ZCWPW2: variants seen among roughly 807,000 people sequenced by gnomAD.
ZCWPW2 encodes the protein zinc finger CW-type and PWWP domain containing 2.
Under a neutral mutation model 46.6 loss-of-function variants are expected in ZCWPW2, and 45 were observed. The ratio of observed to expected loss-of-function variants is 0.96; its 90% CI spans 0.76 to 1.24. The LOEUF is 1.24. Among genes scored for constraint, ZCWPW2 ranks in the 50% most tolerant of loss-of-function variants. The pLI is 0.00. For synonymous variants in ZCWPW2, 152 were observed against 137.1 expected (o/e 1.11, Z -0.76); for missense variants, 429 against 403.9 (o/e 1.06, Z -0.53).
At chr3:28,465,795 A>G (rs1698799261) in intron 4 of ZCWPW2, among the ~76,000 whole-genome samples, 1 of 152,192 alleles carries the variant, frequency 6.6e-6, no homozygotes, top group African/African-American at 2.4e-5. Flanking sequence ...ATTATAAACA[A>G]TAGGAAAAAA....
intron 4 of ZCWPW2, among the ~76,000 whole-genome samples, chr3:28,439,165 C>CACATCATAGGATGTGTATA (rs1697628295): frequency 7.2e-6 from 1 of 139,496 alleles, no homozygotes; most frequent in South Asian, 2.3e-4. Flanking sequence ...ATATATATAC[C>CACATCATAGGATGTGTATA]TACATATAAA....
At chr3:28,444,591 C>T (rs963091165) in intron 4 of ZCWPW2, among the ~76,000 whole-genome samples, 1 of 152,268 alleles carries the variant, frequency 6.6e-6, no homozygotes, top group East Asian at 1.9e-4. Flanking sequence ...AGAGTAGACA[C>T]CTGGTGAGGC....
chr3:28,398,742 C>T (rs1695804352), intron 2 of ZCWPW2, among the ~76,000 whole-genome samples: 2 of 152,112 alleles, frequency 1.3e-5, no homozygotes, highest in African/African-American at 2.4e-5. Flanking sequence ...ATTTATAGAG[C>T]CGAGTGAAAT....
intron 3 of ZCWPW2, among the ~76,000 whole-genome samples, chr3:28,423,046 G>A (rs1197707153): frequency 1.3e-5 from 2 of 151,918 alleles, no homozygotes; most frequent in African/African-American, 4.8e-5. Context: ...TTTAAAATCT[G>A]GTTATTCATT....
chr3:28,495,296 A>C (rs1458443688), intron 6 of ZCWPW2, among the ~76,000 whole-genome samples: 1 of 152,148 alleles, frequency 6.6e-6, no homozygotes, highest in Non-Finnish European at 1.5e-5. Flanking sequence ...TGCCCTTTAT[A>C]AAAGAAAGGA....
At chr3:28,499,754 G>T (rs1310255145) in intron 6 of ZCWPW2, among the ~76,000 whole-genome samples, 7 of 151,830 alleles carry the variant, frequency 4.6e-5, no homozygotes, top group Non-Finnish European at 1.0e-4. Flanking sequence ...TATTGCCTGG[G>T]TTTTCTTCTG....
At chr3:28,401,653 G>T (rs1392454078) in intron 2 of ZCWPW2, among the ~76,000 whole-genome samples, 1 of 152,040 alleles carries the variant, frequency 6.6e-6, no homozygotes, top group Admixed American at 6.6e-5. Flanking sequence ...AGCAGCACAT[G>T]GAACTTTCTC....
intron 1 of ZCWPW2, among the ~76,000 whole-genome samples, chr3:28,387,059 C>T (rs538868143): frequency 1.3e-5 from 2 of 152,304 alleles, no homozygotes; most frequent in African/African-American, 2.4e-5. Context: ...TCAGCTCTCT[C>T]TGCTTTACCT....
At chr3:28,522,073 T>G (rs1575237040) in intron 9 of ZCWPW2, among the ~76,000 whole-genome samples, 1 of 152,070 alleles carries the variant, frequency 6.6e-6, no homozygotes, top group Admixed American at 6.6e-5. Flanking sequence ...ATGAGAACAC[T>G]TGGACACAGG....
At chr3:28,388,767 C>A (rs1255975908) in intron 1 of ZCWPW2, among the ~76,000 whole-genome samples, 1 of 152,106 alleles carries the variant, frequency 6.6e-6, no homozygotes, top group Non-Finnish European at 1.5e-5. Flanking sequence ...TTCTTTGCAC[C>A]TTCAGCCAGC....
chr3:28,400,523 T>C (rs1020650494), intron 2 of ZCWPW2, among the ~76,000 whole-genome samples: 1 of 152,140 alleles, frequency 6.6e-6, no homozygotes, highest in African/African-American at 2.4e-5. Context: ...GGAAAGAATC[T>C]TAAGAGCTGT....
chr3:28,378,943 T>A (rs1705585590), intron 1 of ZCWPW2, among the ~76,000 whole-genome samples: 1 of 152,156 alleles, frequency 6.6e-6, no homozygotes, highest in Non-Finnish European at 1.5e-5. Context: ...ATAGGGATAC[T>A]GACTCCTACT....
At chr3:28,399,059 G>A (rs1049422269) in intron 2 of ZCWPW2, among the ~76,000 whole-genome samples, 1 of 152,148 alleles carries the variant, frequency 6.6e-6, no homozygotes, top group African/African-American at 2.4e-5. Flanking sequence ...AGCCCCATTT[G>A]CCCACTGCCT....
chr3:28,514,348 A>G (rs1240469545), intron 7 of ZCWPW2, among the ~76,000 whole-genome samples: 1 of 152,066 alleles, frequency 6.6e-6, no homozygotes, highest in Non-Finnish European at 1.5e-5. Flanking sequence ...AACTTCATAA[A>G]CACATAAAAA....
chr3:28,364,836 C>T (rs1390187052), intron 1 of ZCWPW2, among the ~76,000 whole-genome samples: 1 of 152,070 alleles, frequency 6.6e-6, no homozygotes, highest in Non-Finnish European at 1.5e-5. Context: ...CCTATTGTTT[C>T]CTGACTTTTA....
Position 28,497,398 on chromosome 3 carries a change from T to G in ZCWPW2, c.657+5225T>G, listed in dbSNP as rs182800007. Among the ~76,000 whole-genome samples the G allele has an allele frequency of 3.9e-5, 6 of 152,176 alleles. No individual in the cohort carries two copies. In the East Asian group the frequency reaches 1.2e-3, roughly 29 times the overall value. ...ATTCTGCATAGCATACCATAGTAGA[T>G]GTATCAAAGTTTTATTGACCAGTCA... On this transcript the variant is annotated intron_variant, in intron 6 of 9. Coordinates refer to ENST00000383768, the MANE Select transcript of ZCWPW2 (RefSeq NM_001040432.4).
At chr3:28,351,715 G>A (rs1704559635) in intron 1 of ZCWPW2, 1 of 149,984 alleles carries the variant, frequency 6.7e-6, no homozygotes, top group South Asian at 2.1e-4. Flanking sequence ...TATTACCTCA[G>A]GGGTCATATT....
rs558688614 is a variant in ZCWPW2, at chr3:28,524,961, T to A, written c.*273T>A. 5.3e-6 allele frequency: 1 copy of A among 188,604 alleles called. No individual in the cohort carries two copies. Among genetic ancestry groups the A allele is most frequent in the Non-Finnish European group, 1.1e-5 (1 of 93,926 alleles). The allele number at this position is 188,604 out of a possible 1,614,324, so 11.7% of individuals were successfully genotyped here. A position where few individuals can be genotyped will look rare whatever the true frequency, so the allele number is the denominator to read the frequency against. ...CTTAATTTTTAAATGGTTTGTGAAATTTGCCTAACAAACATATGTTTTACA... is the reference window on the plus strand; with the variant it reads ...CTTAATTTTTAAATGGTTTGTGAAAATTGCCTAACAAACATATGTTTTACA... On this transcript the variant is annotated 3_prime_UTR_variant, in exon 10 of 10. Coordinates refer to ENST00000383768, the MANE Select transcript of ZCWPW2 (RefSeq NM_001040432.4).
chr3:28,487,185 C>T (rs1699629599), intron 5 of ZCWPW2, among the ~76,000 whole-genome samples: 8 of 151,986 alleles, frequency 5.3e-5, no homozygotes, highest in Admixed American at 4.6e-4. Flanking sequence ...ATTATTGTGT[C>T]AAATTTTTTT....
Sources: allele counts gnomAD v4.1 joint callset (sites outside exome capture counted in the v4.1 genomes callset), GRCh38; gene constraint gnomAD v4.1.1; transcripts MANE v1.5; gene names NCBI Gene and HGNC (gene_info 2026-07-23, HGNC 2026-07-21).